The following HS1BP3 variants were observed in gnomAD, a reference collection of about 807,000 sequenced individuals.
HS1BP3 encodes HCLS1 binding protein 3.
In HS1BP3, 32 loss-of-function variants were observed where a neutral mutation model predicts 33.5. The ratio of observed to expected loss-of-function variants is 0.95; its 90% confidence interval spans 0.72 to 1.28. The LOEUF is 1.28. HS1BP3 is among the 50% of genes most tolerant of loss of function. The pLI is 0.00. For missense variants in HS1BP3, 486 were observed against 502.3 expected (o/e 0.97, Z 0.31); for synonymous variants, 187 against 209.2 (o/e 0.89, Z 0.92).
At chr2:20,627,576 T>C (rs1363311657) in intron 4 of HS1BP3, among the ~76,000 whole-genome samples, 2 of 152,214 alleles carry the variant, frequency 1.3e-5, no homozygotes, top group East Asian at 1.9e-4. Flanking sequence ...AACTGGATCA[T>C]GTCCTTGTTT....
chr2:20,562,250 G>A (rs1442809903), intron 5 of HS1BP3, among the ~76,000 whole-genome samples: 1 of 152,100 alleles, frequency 6.6e-6, no homozygotes, highest in East Asian at 1.9e-4. Context: ...AGGCTGAGGT[G>A]GGAAGAATGC....
chr2:20,616,324 AC>A (rs1694424615), downstream of HS1BP3, among the ~76,000 whole-genome samples: 1 of 152,166 alleles, frequency 6.6e-6, no homozygotes, highest in Non-Finnish European at 1.5e-5. Context: ...CTCCCTGAGA[AC>A]CTGTTTCTAG....
At chr2:20,595,122 C>T (rs1489772816) in intron 3 of HS1BP3, among the ~76,000 whole-genome samples, 1 of 152,166 alleles carries the variant, frequency 6.6e-6, no homozygotes, top group African/African-American at 2.4e-5. Context: ...GCCTCGGCAG[C>T]CTTGGGAGAA....
At chr2:20,564,119 C>A (rs1693068020) in intron 5 of HS1BP3, among the ~76,000 whole-genome samples, 1 of 152,218 alleles carries the variant, frequency 6.6e-6, no homozygotes, top group Non-Finnish European at 1.5e-5. Context: ...GGAGGCTCCT[C>A]GAAGGAGTGA....
intron 6 of HS1BP3, chr2:20,622,491 G>C (rs1210968994): frequency 5.1e-6 from 2 of 393,804 alleles, no homozygotes; most frequent in South Asian, 3.8e-5. Context: ...AACGTGAAGT[G>C]CCATGTGGTG....
intron 2 of HS1BP3, among the ~76,000 whole-genome samples, chr2:20,601,883 A>G (rs1162911266): frequency 2.9e-5 from 4 of 140,002 alleles, no homozygotes; most frequent in Non-Finnish European, 6.0e-5. Flanking sequence ...GGTTCACGCC[A>G]TTCTCATATC....
rs1006057880 is a variant in HS1BP3, at chr2:20,641,078, C to G, written c.301G>C (p.Gly101Arg). 2 of 1,613,966 alleles carry G rather than the reference C, an allele frequency of 1.2e-6. No individual in the cohort carries two copies. The highest frequency in any genetic ancestry group is 1.7e-5 in the Admixed American group (1 of 60,006). ...CTCCTCTCCCGGATGTCAGACTCCC[C>G]AACAAACAGGACCTTCCTGGGTAGT... Reference protein sequence around the residue: ...PPLPRKVLFVGESDIRERRAV... With the variant: ...PPLPRKVLFVRESDIRERRAV... The change falls in exon 3 of 7, where the codon GGG (glycine) becomes CGG (arginine). Residue 101 changes from glycine (G) to arginine (R), a missense_variant. Gly to Arg is a moderately radical substitution (Grantham distance 125, BLOSUM62 -2). Coordinates refer to ENST00000304031, the MANE Select transcript of HS1BP3 (RefSeq NM_022460.4).
At chr2:20,629,172 C>T (rs549778809) in intron 4 of HS1BP3, among the ~76,000 whole-genome samples, 8 of 152,274 alleles carry the variant, frequency 5.3e-5, no homozygotes, top group East Asian at 3.9e-4. Context: ...ATGACAGGTG[C>T]GTCACTCAGT....
downstream of HS1BP3, among the ~76,000 whole-genome samples, chr2:20,617,168 G>T (rs1247888166): frequency 6.6e-6 from 1 of 152,164 alleles, no homozygotes; most frequent in African/African-American, 2.4e-5. Context: ...GGGCAGGGAG[G>T]GGACAAAGCC....
chr2:20,586,230 A>G (rs1255750168), intron 5 of HS1BP3: 1 of 152,216 alleles, frequency 6.6e-6, no homozygotes, highest in African/African-American at 2.4e-5. Flanking sequence ...CAATGCACAC[A>G]CATCACATTA....
intron 5 of HS1BP3, among the ~76,000 whole-genome samples, chr2:20,566,062 C>T (rs894934625): frequency 6.6e-6 from 1 of 152,200 alleles, no homozygotes; most frequent in Non-Finnish European, 1.5e-5. Context: ...AGCAAACAGC[C>T]CACCCTGCCC....
intron 5 of HS1BP3, among the ~76,000 whole-genome samples, chr2:20,582,869 G>A (rs934249755): frequency 2.0e-5 from 3 of 152,158 alleles, no homozygotes; most frequent in African/African-American, 7.2e-5. Flanking sequence ...GACACAGGCA[G>A]GGACCCTTTT....
At chr2:20,643,775 A>T (rs552623034) in intron 2 of HS1BP3, among the ~76,000 whole-genome samples, 1 of 152,016 alleles carries the variant, frequency 6.6e-6, no homozygotes, top group Non-Finnish European at 1.5e-5. Flanking sequence ...CAAAAAAATT[A>T]AAAAAGAAAA....
At chr2:20,575,760 A>C (rs1475458063) in intron 5 of HS1BP3, among the ~76,000 whole-genome samples, 356 of 148,094 alleles carry the variant, frequency 2.4e-3, no homozygotes, top group African/African-American at 8.7e-3. Flanking sequence ...CCTTGGTTCC[A>C]CCCCCCCCCC....
At chr2:20,615,522 G>T (rs1379403686), downstream of HS1BP3, among the ~76,000 whole-genome samples, 1 of 152,240 alleles carries the variant, frequency 6.6e-6, no homozygotes, top group African/African-American at 2.4e-5. Flanking sequence ...CCTTGAGGAG[G>T]CTCTGAGCAT....
chr2:20,573,051 C>T (rs1693313216), intron 5 of HS1BP3, among the ~76,000 whole-genome samples: 1 of 152,204 alleles, frequency 6.6e-6, no homozygotes, highest in Admixed American at 6.5e-5. Flanking sequence ...TCCCTAGAAT[C>T]TGTAAATGTC....
chr2:20,616,534 G>C (rs1694429390), downstream of HS1BP3, among the ~76,000 whole-genome samples: 4 of 152,236 alleles, frequency 2.6e-5, no homozygotes, highest in Non-Finnish European at 2.9e-5. Context: ...AGAATAGGGG[G>C]TAGGTCTGGA....
At chr2:20,627,103 C>T (rs1334883194) in intron 4 of HS1BP3, among the ~76,000 whole-genome samples, 5 of 152,242 alleles carry the variant, frequency 3.3e-5, no homozygotes, top group South Asian at 2.1e-4. Flanking sequence ...ATGCTTCTCT[C>T]CCCTTCATTC....
intron 3 of HS1BP3, chr2:20,640,484 G>A (rs1695304045): frequency 1.2e-5 from 4 of 327,998 alleles, no homozygotes; most frequent in East Asian, 4.7e-5. Context: ...TCCTCAGCCC[G>A]GAGCTGTCCC....
Sources: allele counts gnomAD v4.1 joint callset (sites outside exome capture counted in the v4.1 genomes callset), GRCh38; gene constraint gnomAD v4.1.1; transcripts MANE v1.5; gene names NCBI Gene and HGNC (gene_info 2026-07-23, HGNC 2026-07-21).